RBFOX1: variants seen among roughly 807,000 people sequenced by gnomAD.
RBFOX1 encodes the protein RNA binding protein fox-1 homolog 1.
Under a neutral mutation model 57.7 loss-of-function variants are expected in RBFOX1, and 8 were observed. The observed-to-expected ratio is 0.14, with a 90% CI of 0.08 to 0.25. The LOEUF (loss-of-function observed/expected upper bound fraction) is 0.25. Ranked by LOEUF, RBFOX1 falls within the 10% of genes least tolerant of loss-of-function variation. RBFOX1 has a pLI of 1.00. For missense variants in RBFOX1, 611 were observed against 548.5 expected (o/e 1.11, Z -1.14); for synonymous variants, 326 against 222.4 (o/e 1.47, Z -4.15).
chr16:5,858,062 G>C (rs763894320), intron 3 of RBFOX1, among the ~76,000 whole-genome samples: 8 of 152,186 alleles, frequency 5.3e-5, no homozygotes, highest in African/African-American at 1.9e-4. Flanking sequence ...GTGGAAAGGA[G>C]GGTTTTTAAG....
chr16:6,194,352 C>G (rs1386259579), intron 1 of RBFOX1, among the ~76,000 whole-genome samples: 1 of 152,112 alleles, frequency 6.6e-6, no homozygotes, highest in African/African-American at 2.4e-5. Context: ...CCCTTCAAAT[C>G]CCTCATGCTT....
At chr16:6,058,010 C>T (rs72772827) in intron 1 of RBFOX1, among the ~76,000 whole-genome samples, 19,998 of 151,662 alleles carry the variant, frequency 0.13, 1,477 homozygotes, top group East Asian at 0.26. Flanking sequence ...AGGCCTGACC[C>T]GGGTTCTTCA....
chr16:7,093,472 A>G (rs750489375), intron 4 of RBFOX1, among the ~76,000 whole-genome samples: 33 of 152,146 alleles, frequency 2.2e-4, no homozygotes, highest in Admixed American at 1.3e-4. Context: ...GATGTTTTTG[A>G]ACATTTGGAA....
At chr16:5,585,579 T>C (rs1447416085) in intron 2 of RBFOX1, among the ~76,000 whole-genome samples, 1 of 152,206 alleles carries the variant, frequency 6.6e-6, no homozygotes, top group East Asian at 1.9e-4. Flanking sequence ...GCTAGGTGTG[T>C]ATGAGCTTCT....
chr16:5,549,197 A>C (rs760102713), intron 2 of RBFOX1, among the ~76,000 whole-genome samples: 2 of 152,132 alleles, frequency 1.3e-5, no homozygotes, highest in Non-Finnish European at 2.9e-5. Flanking sequence ...CAAGTGGCAA[A>C]CTTGTTGAGA....
intron 3 of RBFOX1, among the ~76,000 whole-genome samples, chr16:5,844,636 A>G (rs4786782): frequency 0.18 from 26,718 of 152,098 alleles, 2,587 homozygotes; most frequent in Non-Finnish European, 0.22. Flanking sequence ...CTTTTGAAAT[A>G]TTTGTCCTGA....
chr16:6,381,713 A>G (rs1171317528), intron 2 of RBFOX1, among the ~76,000 whole-genome samples: 2 of 152,166 alleles, frequency 1.3e-5, no homozygotes, highest in African/African-American at 4.8e-5. Flanking sequence ...CCTGTGTGCT[A>G]GGCCAGGCAT....
At chr16:5,557,748 G>T (rs1357770702) in intron 2 of RBFOX1, among the ~76,000 whole-genome samples, 2 of 152,280 alleles carry the variant, frequency 1.3e-5, no homozygotes, top group African/African-American at 4.8e-5. Context: ...TGGGGCAAAG[G>T]CCCCACCCCC....
At chr16:6,859,199 A>ATATATATGTATATATATATG (rs1567594046) in intron 3 of RBFOX1, among the ~76,000 whole-genome samples, 3 of 107,784 alleles carry the variant, frequency 2.8e-5, no homozygotes, top group East Asian at 2.4e-4. Context: ...ATATATATGT[A>ATATATATGTATATATATATG]TATATATATA....
At chr16:5,891,796 A>T (rs1300652202) in intron 4 of RBFOX1, among the ~76,000 whole-genome samples, 1 of 152,180 alleles carries the variant, frequency 6.6e-6, no homozygotes, top group African/African-American at 2.4e-5. Flanking sequence ...GACATCTGAT[A>T]GCCAGTGTGG....
chr16:6,132,541 G>A (rs933426997), intron 1 of RBFOX1, among the ~76,000 whole-genome samples: 4 of 152,166 alleles, frequency 2.6e-5, no homozygotes, highest in Admixed American at 6.5e-5. Flanking sequence ...TGACCAGTAC[G>A]GTACCTACTG....
At chr16:6,927,974 T>G (rs2075905476) in intron 3 of RBFOX1, among the ~76,000 whole-genome samples, 2 of 152,206 alleles carry the variant, frequency 1.3e-5, no homozygotes, top group Admixed American at 1.3e-4. Flanking sequence ...CCGTAAAGTT[T>G]CCCATTGAGC....
chr16:5,615,386 G>C (rs977799891), intron 3 of RBFOX1, among the ~76,000 whole-genome samples: 6 of 152,204 alleles, frequency 3.9e-5, no homozygotes, highest in African/African-American at 1.4e-4. Flanking sequence ...ATGTGTGCTT[G>C]ATAGACCCTA....
At chr16:6,893,639 C>A (rs913438571) in intron 3 of RBFOX1, among the ~76,000 whole-genome samples, 1 of 152,154 alleles carries the variant, frequency 6.6e-6, no homozygotes, top group Non-Finnish European at 1.5e-5. Flanking sequence ...AAGCCCTGTT[C>A]CTCCAATAGA....
At chr16:6,991,071 G>A (rs564928255) in intron 3 of RBFOX1, among the ~76,000 whole-genome samples, 1 of 150,104 alleles carries the variant, frequency 6.7e-6, no homozygotes, top group South Asian at 2.1e-4. Context: ...GGAGGCCAAG[G>A]TGGGTGGCCT....
At chr16:6,714,011 T>C (rs748709786) in intron 3 of RBFOX1, among the ~76,000 whole-genome samples, 4 of 152,200 alleles carry the variant, frequency 2.6e-5, no homozygotes, top group Admixed American at 6.5e-5. Flanking sequence ...TCATCTTGAA[T>C]TGTAATACCC....
At chr16:7,462,841 A>G (rs1407574556) in intron 4 of RBFOX1, among the ~76,000 whole-genome samples, 1 of 152,018 alleles carries the variant, frequency 6.6e-6, no homozygotes, top group East Asian at 1.9e-4. Context: ...GAATCTCTCC[A>G]TGTTTCTCTT....
At chr16:6,433,911 C>T (rs2094166151) in intron 2 of RBFOX1, among the ~76,000 whole-genome samples, 1 of 149,956 alleles carries the variant, frequency 6.7e-6, no homozygotes, top group African/African-American at 2.5e-5. Context: ...ATAGTGGCAC[C>T]ATCTCTGCTC....
intron 3 of RBFOX1, among the ~76,000 whole-genome samples, chr16:6,685,607 C>T (rs1460959070): frequency 6.6e-6 from 1 of 151,868 alleles, no homozygotes; most frequent in African/African-American, 2.4e-5. Context: ...ATTTTTTGGT[C>T]ACACTTAAAC....
Sources: gnomAD v4.1 joint callset for allele counts (sites outside exome capture counted in the v4.1 genomes callset) on GRCh38, gnomAD v4.1.1 for gene constraint, MANE v1.5 for transcripts, NCBI Gene and HGNC (gene_info 2026-07-23, HGNC 2026-07-21) for gene names.